Variants in MAST2 observed in about 807,000 individuals in gnomAD.
MAST2 encodes microtubule associated serine/threonine kinase 2, also known as microtubule-associated serine/threonine-protein kinase 2.
Under a neutral mutation model 147.4 loss-of-function variants are expected in MAST2, and 70 were observed. The ratio of observed to expected loss-of-function variants is 0.47; its 90% CI spans 0.39 to 0.58. The LOEUF is 0.58. Ranked by LOEUF, MAST2 falls within the 20% of genes least tolerant of loss-of-function variation. The pLI, the probability that MAST2 is intolerant of heterozygous loss-of-function variation, is 0.00. For synonymous variants in MAST2, 869 were observed against 896.8 expected, an observed-to-expected ratio of 0.97 and a Z score of 0.55; for missense variants, 2,080 against 2,302.3, an observed-to-expected ratio of 0.90 and a Z score of 1.98.
At chr1:45,999,858 A>G (rs955269452) in intron 6 of MAST2, among the ~76,000 whole-genome samples, 6 of 152,196 alleles carry the variant, frequency 3.9e-5, no homozygotes, top group Admixed American at 2.6e-4. Context: ...TTCTGTCTCA[A>G]TTCAACCACA....
chr1:45,880,739 G>T (rs115483463), intron 3 of MAST2, among the ~76,000 whole-genome samples: 1,567 of 152,168 alleles, frequency 0.01, 17 homozygotes, highest in South Asian at 0.018. Flanking sequence ...TCAGCACTGT[G>T]GGAGACCAAG....
Position 46,036,032 on chromosome 1 carries a change from C to A in MAST2, c.5363C>A (p.Ala1788Glu), listed in dbSNP as rs781451405. The A allele has an allele frequency of 6.2e-7, 1 of 1,612,316 alleles. No individual in the cohort carries two copies. The highest frequency in any genetic ancestry group is 8.5e-7 in the Non-Finnish European group (1 of 1,179,406). The change falls in exon 29 of 29, where the codon GCA becomes GAA. Residue 1788 changes from alanine (A) to glutamate (E), a missense_variant. Ala to Glu is a moderately radical substitution (Grantham distance 107). This residue lies in a region of MAST2 where 1,278 missense variants were observed against 1,304.2 expected (regional missense o/e 0.98). Coordinates refer to ENST00000361297, the MANE Select transcript of MAST2 (RefSeq NM_015112.3). The stretch of plus-strand genomic sequence containing the variant: ...GGCCATCAAAAGCATCGGGATTTGG[C>A]ATTGGTTCCAGATGAGCTTTTAAAG... ...PGGHQKHRDL[A>E]LVPDELLKQT
Position 45,973,052 on chromosome 1 carries a change from A to G in MAST2, c.592+13575A>G, listed in dbSNP as rs1385561390. On this transcript the variant is annotated intron_variant, in intron 5 of 28. Coordinates refer to ENST00000361297, the MANE Select transcript of MAST2 (RefSeq NM_015112.3). ...ATATCATTAATTTGTATCATTTAGT[A>G]CCTATCATTGCAGCTGTAAAACTCT... is the stretch of plus-strand genomic sequence containing the variant. Among the ~76,000 whole-genome samples, 4 of 152,166 alleles carry G rather than the reference A, an allele frequency of 2.6e-5. No homozygotes were observed. The East Asian group carries it at 7.7e-4, about 29-fold the overall frequency.
chr1:45,927,523 C>T (rs547032390), intron 4 of MAST2, among the ~76,000 whole-genome samples: 5 of 151,132 alleles, frequency 3.3e-5, no homozygotes, highest in South Asian at 4.2e-4. Flanking sequence ...CGATATTTCT[C>T]CCATTTGCTT....
At chr1:45,872,581 A>G (rs1424858360) in intron 3 of MAST2, among the ~76,000 whole-genome samples, 1 of 151,952 alleles carries the variant, frequency 6.6e-6, no homozygotes, top group Admixed American at 6.6e-5. Flanking sequence ...GCTGGGTTCA[A>G]GAGATTCTCC....
At chr1:45,837,255 T>C (rs1209180508) in intron 3 of MAST2, among the ~76,000 whole-genome samples, 1 of 152,216 alleles carries the variant, frequency 6.6e-6, no homozygotes, top group Non-Finnish European at 1.5e-5. Flanking sequence ...CAAGTTCGCT[T>C]GTGTCCCTTT....
intron 11 of MAST2, among the ~76,000 whole-genome samples, chr1:46,020,737 A>G (rs1020246702): frequency 2.0e-5 from 3 of 152,142 alleles, no homozygotes; most frequent in Non-Finnish European, 2.9e-5. Flanking sequence ...TTGTTTCACT[A>G]GGGATGGGTT....
At chr1:45,891,771 G>C (rs1647835687) in intron 4 of MAST2, among the ~76,000 whole-genome samples, 1 of 152,092 alleles carries the variant, frequency 6.6e-6, no homozygotes, top group South Asian at 2.1e-4. Flanking sequence ...AGTGTGGCCA[G>C]AATATTAATT....
intron 5 of MAST2, among the ~76,000 whole-genome samples, chr1:45,969,305 T>G (rs1290997204): frequency 2.6e-5 from 4 of 152,138 alleles, no homozygotes; most frequent in East Asian, 3.8e-4. Context: ...AAATAGGCCT[T>G]TAGTAATGTA....
intron 5 of MAST2, among the ~76,000 whole-genome samples, chr1:45,961,339 A>G (rs1358285280): frequency 2.6e-5 from 4 of 152,226 alleles, no homozygotes; most frequent in East Asian, 1.9e-4. Flanking sequence ...TTTTTATCAT[A>G]TAGGAATAAA....
intron 4 of MAST2, among the ~76,000 whole-genome samples, chr1:45,916,949 A>C (rs1341937306): frequency 6.6e-6 from 1 of 152,278 alleles, no homozygotes; most frequent in African/African-American, 2.4e-5. Context: ...GTGGTGGTGC[A>C]TGCCTGTAAT....
intron 3 of MAST2, among the ~76,000 whole-genome samples, chr1:45,834,382 C>G (rs1319726449): frequency 1.3e-5 from 2 of 152,004 alleles, no homozygotes; most frequent in African/African-American, 4.8e-5. Flanking sequence ...CATTTTGAGG[C>G]CATCTAGATG....
chr1:45,834,106 G>A (rs1205524638), intron 3 of MAST2, among the ~76,000 whole-genome samples: 1 of 151,964 alleles, frequency 6.6e-6, no homozygotes, highest in Non-Finnish European at 1.5e-5. Context: ...ATTCTCTTTG[G>A]AGTAACGGCC....
intron 1 of MAST2, 133 bp downstream of exon 1, chr1:45,804,205 T>G (rs2148613697): frequency 4.6e-6 from 5 of 1,077,330 alleles, no homozygotes; most frequent in Non-Finnish European, 5.9e-6. Context: ...GTGGGAGGTC[T>G]GGGGAGGCCG....
At chr1:45,858,182 T>C (rs919051027) in intron 3 of MAST2, among the ~76,000 whole-genome samples, 3 of 152,152 alleles carry the variant, frequency 2.0e-5, no homozygotes, top group Non-Finnish European at 4.4e-5. Flanking sequence ...CTTGAGGAAT[T>C]GCCACACTGT....
At position 45,900,676 on chromosome 1, in the gene MAST2, A is replaced by C. The variant is rs1324166052; in HGVS notation, c.500+18281A>C. ...GAGACGGGGTTTCACCTTGTTAGCC[A>C]GGATGGTCTCGATCTCCTGACCTCA... is the stretch of plus-strand genomic sequence containing the variant. On this transcript the variant is annotated intron_variant, in intron 4 of 28. Transcript: ENST00000361297. 4.5e-4 allele frequency among the ~76,000 whole-genome samples: 5 copies of C among 11,160 alleles called. 2 individuals carry two copies. In the Admixed American group the frequency reaches 4.9e-3, roughly 11 times the overall value. 7.3% of individuals were successfully genotyped at this position (11,160 alleles called of 152,430 possible). A position where few individuals can be genotyped will look rare whatever the true frequency, so the allele number is the denominator to read the frequency against.
rs897142163 is a variant in MAST2, at chr1:45,803,881, G to T, written c.-15G>T. The T allele has an allele frequency of 6.3e-5, 36 of 574,840 alleles. No individual in the cohort carries two copies. Among genetic ancestry groups the T allele is most frequent in the Middle Eastern group, 5.1e-4 (1 of 1,964 alleles). 35.6% of individuals were successfully genotyped at this position (574,840 alleles called of 1,614,324 possible). A position where few individuals can be genotyped will look rare whatever the true frequency, so the allele number is the denominator to read the frequency against. On this transcript the variant is annotated 5_prime_UTR_variant, in exon 1 of 29. Coordinates refer to ENST00000361297, the MANE Select transcript of MAST2 (RefSeq NM_015112.3). Reference sequence around the variant, plus strand: ...ACAGTCGCGGCGCTGACGCCCGCGGGCCCCAGCTGCAGATATGAAGCGGAG... The same window carrying T: ...ACAGTCGCGGCGCTGACGCCCGCGGTCCCCAGCTGCAGATATGAAGCGGAG...
chr1:45,806,223 T>C (rs1337020614), intron 1 of MAST2, among the ~76,000 whole-genome samples: 1 of 152,224 alleles, frequency 6.6e-6, no homozygotes, highest in East Asian at 1.9e-4. Flanking sequence ...TCTGTCACTA[T>C]AGATTTGTTT....
intron 5 of MAST2, among the ~76,000 whole-genome samples, chr1:45,993,555 G>A (rs781450472): frequency 4.6e-5 from 7 of 152,074 alleles, no homozygotes; most frequent in African/African-American, 7.2e-5. Context: ...ATGGTGGCGC[G>A]TGCCTGTAAT....
Sources: gnomAD v4.1 joint callset for allele counts (sites outside exome capture counted in the v4.1 genomes callset) on GRCh38, gnomAD v4.1.1 for gene constraint, gnomAD v4.1.1 regional missense constraint, MANE v1.5 for transcripts, NCBI Gene and HGNC (gene_info 2026-07-23, HGNC 2026-07-21) for gene names.